NMNAT1: variants seen among roughly 807,000 people sequenced by gnomAD.
The protein encoded by NMNAT1 is nicotinamide/nicotinic acid mononucleotide adenylyltransferase 1.
A neutral mutation model predicts 16.7 loss-of-function variants in NMNAT1; 11 were observed. That is an observed-to-expected ratio of 0.66 (90% CI 0.41 to 1.09). NMNAT1 has a LOEUF of 1.09. Among genes scored for constraint, NMNAT1 ranks in the 50% least tolerant of loss-of-function variants. The pLI is 0.00. For synonymous variants in NMNAT1, 110 were observed against 119.8 expected (o/e 0.92, Z 0.53); for missense variants, 280 against 332.3 (o/e 0.84, Z 1.22).
In NMNAT1 at chr1:9,984,434, A is replaced by G. The variant is rs752077544; in HGVS notation, c.*1733A>G. On this transcript the variant is annotated 3_prime_UTR_variant, in exon 5 of 5. Transcript: ENST00000377205. ...AGAACAAGCTTGGCTTTTTCTCCCA[A>G]CGCCGAGGATGCTGTTGATGCTGCC... 2 of 152,136 alleles carry G rather than the reference A, an allele frequency of 1.3e-5. No homozygotes were observed. Among genetic ancestry groups the G allele is most frequent in the African/African-American group, 2.4e-5 (1 of 41,410 alleles). The allele number at this position is 152,136 out of a possible 1,614,324, so 9.4% of individuals were successfully genotyped here. A position where few individuals can be genotyped will look rare whatever the true frequency, so the allele number is the denominator to read the frequency against.
intron 3 of NMNAT1, among the ~76,000 whole-genome samples, chr1:9,979,780 C>T (rs1160868591): frequency 9.0e-5 from 13 of 144,370 alleles, no homozygotes; most frequent in Non-Finnish European, 1.2e-4. Flanking sequence ...CCAGCCTGGG[C>T]GACAGAGTGA....
intron 1 of NMNAT1, among the ~76,000 whole-genome samples, chr1:9,945,679 G>A (rs1315463259): frequency 1.3e-5 from 2 of 152,202 alleles, no homozygotes; most frequent in African/African-American, 4.8e-5. Flanking sequence ...GGGCTACAGG[G>A]TGAGACTCGG....
At chr1:9,988,703 C>CACACACACAAAAAAA (rs1642075767), downstream of NMNAT1, among the ~76,000 whole-genome samples, 1 of 67,292 alleles carries the variant, frequency 1.5e-5, no homozygotes, top group Non-Finnish European at 2.9e-5. Flanking sequence ...GACTCCATCT[C>CACACACACAAAAAAA]AAAAAAAAAA....
At chr1:9,958,812 C>G (rs1641331442) in intron 1 of NMNAT1, among the ~76,000 whole-genome samples, 1 of 152,086 alleles carries the variant, frequency 6.6e-6, no homozygotes, top group Non-Finnish European at 1.5e-5. Context: ...GTAAAACAAC[C>G]TGCAAGTAAT....
intron 1 of NMNAT1, among the ~76,000 whole-genome samples, chr1:9,968,083 T>TTTTTTTTTTG (rs1326350775): frequency 7.2e-6 from 1 of 139,562 alleles, no homozygotes; most frequent in African/African-American, 2.5e-5. Flanking sequence ...TTTTTTTGTT[T>TTTTTTTTTTG]TTTTTTGAGA....
chr1:9,977,999 A>C (rs1166860989), intron 3 of NMNAT1, among the ~76,000 whole-genome samples: 1 of 152,182 alleles, frequency 6.6e-6, no homozygotes, highest in East Asian at 1.9e-4. Flanking sequence ...GGTGACGGAC[A>C]GTGGACTCCA....
chr1:9,969,756 A>G (rs1347701018), intron 1 of NMNAT1, among the ~76,000 whole-genome samples: 1 of 151,920 alleles, frequency 6.6e-6, no homozygotes, highest in Non-Finnish European at 1.5e-5. Flanking sequence ...GTCTCAAAAA[A>G]ATAAATAAAT....
chr1:9,945,546 A>T (rs1452380412), intron 1 of NMNAT1, among the ~76,000 whole-genome samples: 1 of 152,066 alleles, frequency 6.6e-6, no homozygotes, highest in Non-Finnish European at 1.5e-5. Context: ...TAAAAATACA[A>T]AAAATTAGCT....
At chr1:9,963,403 C>T (rs1283077974) in intron 1 of NMNAT1, among the ~76,000 whole-genome samples, 1 of 151,746 alleles carries the variant, frequency 6.6e-6, no homozygotes, top group Non-Finnish European at 1.5e-5. Context: ...TATTTTTAAC[C>T]CACTATTTCT....
chr1:9,975,279 T>C (rs1318975494), intron 2 of NMNAT1, among the ~76,000 whole-genome samples: 1 of 152,112 alleles, frequency 6.6e-6, no homozygotes, highest in Admixed American at 6.6e-5. Flanking sequence ...GGCAGGCAGA[T>C]CACTTGAGGT....
chr1:9,991,154 T>A, the NMNAT1 span, among the ~76,000 whole-genome samples: 1 of 151,790 alleles, frequency 6.6e-6, no homozygotes, highest in East Asian at 1.9e-4. Flanking sequence ...TAAGTAAGAT[T>A]TCTGCATATC....
downstream of NMNAT1, among the ~76,000 whole-genome samples, chr1:9,988,150 A>G (rs1642068025): frequency 6.6e-6 from 1 of 151,806 alleles, no homozygotes; most frequent in Admixed American, 6.6e-5. Flanking sequence ...AGCGCACACC[A>G]CCGTGCCCAG....
At chr1:9,948,939 G>A (rs1178584100) in intron 1 of NMNAT1, among the ~76,000 whole-genome samples, 6 of 151,524 alleles carry the variant, frequency 4.0e-5, no homozygotes, top group Admixed American at 3.3e-4. Flanking sequence ...CAGCCACTGT[G>A]TCTGGCCCGG....
In NMNAT1 at chr1:9,982,448, TTATC is replaced by T; in HGVS notation, c.591_594del (p.Ile197MetfsTer16). 3 of 1,614,088 alleles carry T rather than the reference TTATC, an allele frequency of 1.9e-6. No homozygotes were observed. Among genetic ancestry groups the T allele is most frequent in the Non-Finnish European group, 2.5e-6 (3 of 1,180,028 alleles). On this transcript the variant is annotated frameshift_variant, in exon 5 of 5. Transcript: ENST00000377205. LOFTEE classifies it high-confidence loss of function. ...CGGGCTGGAAATGATGCTCAGAAGT[TTATC>T]TATGAATCGGATGTGCTGTGGAAAC...
the NMNAT1 span, among the ~76,000 whole-genome samples, chr1:9,992,036 G>A: frequency 1.1e-4 from 16 of 151,944 alleles, no homozygotes; most frequent in East Asian, 9.7e-4. Context: ...GTGACAAAGC[G>A]AGACTCTGTC....
intron 1 of NMNAT1, among the ~76,000 whole-genome samples, chr1:9,962,760 C>G (rs1641453528): frequency 7.2e-6 from 1 of 138,638 alleles, no homozygotes; most frequent in Admixed American, 8.2e-5. Flanking sequence ...CGGCTCACTG[C>G]AAGCTCCGCC....
At chr1:9,993,352 G>A in the NMNAT1 span, among the ~76,000 whole-genome samples, 2 of 151,990 alleles carry the variant, frequency 1.3e-5, no homozygotes, top group Admixed American at 6.6e-5. Flanking sequence ...AGTGGCATGC[G>A]CTTGTAGTCC....
Position 9,959,683 on chromosome 1 carries a change from A to C in NMNAT1, c.-56-12335A>C, listed in dbSNP as rs1222587761. Among the ~76,000 whole-genome samples the C allele has an allele frequency of 3.9e-5, 6 of 152,084 alleles. No individual in the cohort carries two copies. In the East Asian group the frequency reaches 1.2e-3, roughly 29 times the overall value. On this transcript the variant is annotated intron_variant, in intron 1 of 4. Transcript: ENST00000377205. ...GGCGACAACGAGACTCTGTCCCCCC[A>C]CCAAAAAAAGAAAAGAAAGAAAATC...
the NMNAT1 span, among the ~76,000 whole-genome samples, chr1:9,990,913 C>A: frequency 6.6e-6 from 1 of 151,932 alleles, no homozygotes; most frequent in African/African-American, 2.4e-5. Flanking sequence ...TGAGTCCTGT[C>A]TAGGAAGATA....
Sources: gnomAD v4.1 joint callset for allele counts (sites outside exome capture counted in the v4.1 genomes callset) on GRCh38, gnomAD v4.1.1 for gene constraint, MANE v1.5 for transcripts, NCBI Gene and HGNC (gene_info 2026-07-23, HGNC 2026-07-21) for gene names.